Variants in EPHA6 observed in about 807,000 individuals in gnomAD.
EPHA6 encodes ephrin type-A receptor 6.
A neutral mutation model predicts 112.0 loss-of-function variants in EPHA6; 50 were observed. That is an observed-to-expected ratio of 0.45 (90% CI 0.36 to 0.56). The LOEUF is 0.56. Ranked by LOEUF, EPHA6 falls within the 20% of genes least tolerant of loss-of-function variation. The pLI is 0.00. For missense variants in EPHA6, 1,280 were observed against 1,417.4 expected, an observed-to-expected ratio of 0.90 and a Z score of 1.56; for synonymous variants, 529 against 490.7, an observed-to-expected ratio of 1.08 and a Z score of -1.03.
intron 3 of EPHA6, among the ~76,000 whole-genome samples, chr3:97,031,848 G>T (rs1407269500): frequency 1.3e-5 from 2 of 152,112 alleles, no homozygotes; most frequent in African/African-American, 4.8e-5. Context: ...CACTGTTGGT[G>T]GGACTGTAAA....
At chr3:97,474,917 G>A (rs2091326312) in intron 7 of EPHA6, among the ~76,000 whole-genome samples, 1 of 151,988 alleles carries the variant, frequency 6.6e-6, no homozygotes, top group African/African-American at 2.4e-5. Context: ...ATTCTTAAAA[G>A]GAATTATACA....
chr3:96,882,260 C>T (rs1042969025), intron 2 of EPHA6, among the ~76,000 whole-genome samples: 1 of 152,176 alleles, frequency 6.6e-6, no homozygotes, highest in Non-Finnish European at 1.5e-5. Context: ...GAGAGCCCTG[C>T]CCCTGCAGCA....
At chr3:97,700,129 G>T (rs1018843082) in intron 14 of EPHA6, among the ~76,000 whole-genome samples, 17 of 152,162 alleles carry the variant, frequency 1.1e-4, no homozygotes, top group African/African-American at 4.1e-4. Context: ...AGATGTGTTC[G>T]CTAACCATGA....
intron 13 of EPHA6, among the ~76,000 whole-genome samples, chr3:97,636,616 A>G (rs774566042): frequency 1.4e-4 from 22 of 152,150 alleles, no homozygotes; most frequent in Non-Finnish European, 2.8e-4. Context: ...TTTCATTTGT[A>G]GTATAAGCTT....
At chr3:97,324,405 T>TTTTCTCTCTTTC (rs2082269667) in intron 5 of EPHA6, among the ~76,000 whole-genome samples, 2 of 104,566 alleles carry the variant, frequency 1.9e-5, no homozygotes, top group Admixed American at 2.2e-4. Flanking sequence ...GCTTTCCTTC[T>TTTTCTCTCTTTC]TTTCTTTCTT....
intron 5 of EPHA6, among the ~76,000 whole-genome samples, chr3:97,258,338 T>C (rs1367732691): frequency 6.6e-6 from 1 of 151,884 alleles, no homozygotes; most frequent in Non-Finnish European, 1.5e-5. Context: ...GTGGAACCTT[T>C]TAAAATTTCA....
intron 5 of EPHA6, among the ~76,000 whole-genome samples, chr3:97,361,833 A>G (rs1452197245): frequency 6.6e-6 from 1 of 152,214 alleles, no homozygotes; most frequent in Non-Finnish European, 1.5e-5. Flanking sequence ...AAATTTCAAC[A>G]TGAGTTTTGA....
chr3:97,702,097 C>T (rs1468486731), intron 14 of EPHA6, among the ~76,000 whole-genome samples: 1 of 152,122 alleles, frequency 6.6e-6, no homozygotes, highest in Non-Finnish European at 1.5e-5. Flanking sequence ...TCATATAAAG[C>T]TCTTTGAATC....
chr3:97,008,258 G>T (rs941924951), intron 3 of EPHA6, among the ~76,000 whole-genome samples: 2 of 151,918 alleles, frequency 1.3e-5, no homozygotes, highest in African/African-American at 2.4e-5. Flanking sequence ...TCATAGGTTC[G>T]GTCTTTTTAT....
At chr3:97,283,688 A>C (rs769293704) in intron 5 of EPHA6, among the ~76,000 whole-genome samples, 2 of 152,158 alleles carry the variant, frequency 1.3e-5, no homozygotes, top group Admixed American at 6.6e-5. Context: ...ATGGGTTGAT[A>C]GGTGCAGCAA....
intron 3 of EPHA6, among the ~76,000 whole-genome samples, chr3:97,211,325 A>G (rs2077868245): frequency 6.6e-6 from 1 of 152,218 alleles, no homozygotes. Context: ...ATCATTTTAT[A>G]CATATGACAT....
intron 13 of EPHA6, among the ~76,000 whole-genome samples, chr3:97,625,199 C>T (rs1030733292): frequency 1.3e-5 from 2 of 151,610 alleles, no homozygotes; most frequent in Non-Finnish European, 3.0e-5. Context: ...TCCTCCTTGG[C>T]TCTGCTTTGG....
intron 5 of EPHA6, among the ~76,000 whole-genome samples, chr3:97,382,617 G>A (rs1172750797): frequency 2.6e-5 from 4 of 151,974 alleles, no homozygotes; most frequent in African/African-American, 7.2e-5. Context: ...TTTAACTTTA[G>A]TGATCTGCAT....
intron 5 of EPHA6, among the ~76,000 whole-genome samples, chr3:97,294,532 T>A (rs1169316281): frequency 6.6e-6 from 1 of 152,238 alleles, no homozygotes; most frequent in Admixed American, 6.5e-5. Context: ...ATTATTGATA[T>A]GTAATTAGTT....
intron 5 of EPHA6, among the ~76,000 whole-genome samples, chr3:97,273,433 T>G (rs1388077966): frequency 6.6e-6 from 1 of 152,064 alleles, no homozygotes; most frequent in Non-Finnish European, 1.5e-5. Flanking sequence ...ACAAGTTTTT[T>G]GGGGGCACAG....
chr3:97,256,072 G>A (rs974045854), intron 5 of EPHA6, among the ~76,000 whole-genome samples: 10 of 152,156 alleles, frequency 6.6e-5, no homozygotes, highest in Admixed American at 2.0e-4. Context: ...CCTCATTTAT[G>A]AAGAGTTAAA....
At chr3:96,836,483 G>A (rs933962175) in intron 1 of EPHA6, among the ~76,000 whole-genome samples, 2 of 152,074 alleles carry the variant, frequency 1.3e-5, no homozygotes, top group Non-Finnish European at 2.9e-5. Flanking sequence ...TTGTCAAAAC[G>A]TTTTGAAAAT....
chr3:97,692,390 A>G (rs555410146), intron 14 of EPHA6, among the ~76,000 whole-genome samples: 4 of 152,302 alleles, frequency 2.6e-5, no homozygotes, highest in African/African-American at 9.6e-5. Flanking sequence ...CTTTGATCAG[A>G]ATTTTTAAAG....
chr3:97,549,777 C>T (rs1409280961), intron 11 of EPHA6, among the ~76,000 whole-genome samples: 4 of 152,000 alleles, frequency 2.6e-5, no homozygotes, highest in Admixed American at 6.6e-5. Context: ...TGCTACTGCA[C>T]TCCAGCCTGG....
Sources: allele counts gnomAD v4.1 joint callset (sites outside exome capture counted in the v4.1 genomes callset), GRCh38; gene constraint gnomAD v4.1.1; transcripts MANE v1.5; gene names NCBI Gene and HGNC (gene_info 2026-07-23, HGNC 2026-07-21).